The following DNAH14 variants were observed in gnomAD, a reference collection of about 807,000 sequenced individuals.
DNAH14 encodes the protein axonemal beta dynein heavy chain 14.
DNAH14 carries 478 observed loss-of-function variants against 520.9 expected under a neutral mutation model. The ratio of observed to expected loss-of-function variants is 0.92; its 90% CI spans 0.85 to 0.99. The LOEUF is 0.99. Ranked by LOEUF, DNAH14 falls within the 50% of genes least tolerant of loss-of-function variation. The pLI, the probability that DNAH14 is intolerant of heterozygous loss-of-function variation, is 0.00. For missense variants in DNAH14, 4,831 were observed against 5,234.5 expected (o/e 0.92, Z 2.38); for synonymous variants, 1,581 against 1,757.2 (o/e 0.90, Z 2.51).
chr1:225,324,751 A>G lies in DNAH14; in HGVS notation c.9642A>G (p.Lys3214=). 1 of 1,551,554 alleles carries G rather than the reference A, an allele frequency of 6.4e-7. No homozygotes were observed. ...YHEVQKVVGP[K]QIQVAEAQNV... ...TTCTCTTTAAGGTTGTGGGCCCTAA[A>G]CAAATCCAAGTAGCTGAAGCTCAAA... The change falls in exon 64 of 86, where the codon AAA becomes AAG. Residue 3214 remains lysine (K), a synonymous_variant. Transcript: ENST00000682510.
chr1:225,230,840 T>C (rs2091035957), intron 41 of DNAH14, among the ~76,000 whole-genome samples: 2 of 152,218 alleles, frequency 1.3e-5, no homozygotes, highest in African/African-American at 4.8e-5. Flanking sequence ...AATGAATGTA[T>C]GCAGCTTTAT....
intron 46 of DNAH14, among the ~76,000 whole-genome samples, chr1:225,259,530 T>G (rs1189924427): frequency 6.6e-6 from 1 of 152,206 alleles, no homozygotes; most frequent in Non-Finnish European, 1.5e-5. Flanking sequence ...ATCATGTAAT[T>G]CACATACCAT....
chr1:224,953,134 T>C (rs2060283108), intron 2 of DNAH14: 1 of 160,766 alleles, frequency 6.2e-6, no homozygotes, highest in Non-Finnish European at 1.4e-5. Context: ...AAATACTTTT[T>C]TTTTTTGAAA....
At position 225,025,777 on chromosome 1, in the gene DNAH14, A is replaced by G. The variant is rs374720573; in HGVS notation, c.1358+1912A>G. 1.8e-4 allele frequency among the ~76,000 whole-genome samples: 28 copies of G among 152,286 alleles called. No homozygotes were observed. In the South Asian group the frequency reaches 2.3e-3, roughly 12 times the overall value. ...TAAAATGAAGATAACAGTAATACCT[A>G]TGCCATAATGTTGTTTGAGAATAAA... On this transcript the variant is annotated intron_variant, in intron 11 of 85. Coordinates refer to ENST00000682510, the MANE Select transcript of DNAH14 (RefSeq NM_001367479.1).
chr1:225,206,167 C>A lies in DNAH14; in HGVS notation c.6174C>A (p.Ala2058=). 6.4e-7 allele frequency: 1 copy of A among 1,550,868 alleles called. No homozygotes were observed. The highest frequency in any genetic ancestry group is 2.0e-5 in the Admixed American group (1 of 50,992). Residue 2058 remains alanine (A), a synonymous_variant, in exon 40 of 86, where the codon GCC becomes GCA. Coordinates refer to ENST00000682510, the MANE Select transcript of DNAH14 (RefSeq NM_001367479.1). ...GTCCTGCTACTGTCAGCCGATGTGC[C>A]ATGGTCTATATGGTAAGCTTTCAAA... ...QASPATVSRC[A]MVYMDPVDLG...
intron 66 of DNAH14, among the ~76,000 whole-genome samples, chr1:225,335,961 A>ATGCATATATG (rs2095028174): frequency 6.9e-6 from 1 of 145,954 alleles, no homozygotes; most frequent in African/African-American, 2.5e-5. Flanking sequence ...ATATACACAT[A>ATGCATATATG]TACATATATG....
Position 225,276,010 on chromosome 1 carries a change from AC to A in DNAH14, c.8109del (p.Ser2704ValfsTer15). ...KTHRKKIYQN[T>X]SDYNKLASVL... ...TCATAGAAAAAAGATTTATCAGAAT[AC>A]CAGTGACTATAATAAACTTGCCAGT... On this transcript the variant is annotated frameshift_variant, in exon 53 of 86. Coordinates refer to ENST00000682510, the MANE Select transcript of DNAH14 (RefSeq NM_001367479.1). LOFTEE classifies it high-confidence loss of function. 2.4e-6 allele frequency: 1 copy of A among 412,700 alleles called. No homozygotes were observed. The highest frequency in any genetic ancestry group is 4.8e-6 in the Non-Finnish European group (1 of 206,334). The allele number at this position is 412,700 out of a possible 1,614,324, so 25.6% of individuals were successfully genotyped here. A position where few individuals can be genotyped will look rare whatever the true frequency, so the allele number is the denominator to read the frequency against.
At chr1:225,248,579 A>G (rs535070773) in intron 43 of DNAH14, among the ~76,000 whole-genome samples, 21 of 152,320 alleles carry the variant, frequency 1.4e-4, no homozygotes, top group African/African-American at 5.1e-4. Context: ...GCAAATACAA[A>G]CCAAAAGAAA....
chr1:225,169,432 A>G (rs933397050), intron 36 of DNAH14, among the ~76,000 whole-genome samples: 1 of 152,234 alleles, frequency 6.6e-6, no homozygotes, highest in South Asian at 2.1e-4. Flanking sequence ...TACAATAACC[A>G]ATGCAGAGAA....
intron 78 of DNAH14, among the ~76,000 whole-genome samples, chr1:225,375,996 G>T (rs151064258): frequency 1.3e-5 from 2 of 151,902 alleles, no homozygotes; most frequent in Non-Finnish European, 2.9e-5. Context: ...GCTGAGGCCC[G>T]AGAATCACCC....
At chr1:225,215,248 T>G (rs1167229156) in intron 41 of DNAH14, among the ~76,000 whole-genome samples, 1 of 152,238 alleles carries the variant, frequency 6.6e-6, no homozygotes, top group Non-Finnish European at 1.5e-5. Context: ...GAGTTGTAAT[T>G]TGATTTCACT....
At chr1:225,087,377 T>G (rs188048759) in intron 21 of DNAH14, among the ~76,000 whole-genome samples, 129 of 152,322 alleles carry the variant, frequency 8.5e-4, no homozygotes, top group Non-Finnish European at 1.4e-3. Flanking sequence ...AATAACCTCT[T>G]AAAGGCCCCA....
chr1:225,073,435 C>G (rs374682734), intron 17 of DNAH14, among the ~76,000 whole-genome samples: 1 of 151,306 alleles, frequency 6.6e-6, no homozygotes, highest in Non-Finnish European at 1.5e-5. Flanking sequence ...TTCCATCCAA[C>G]GACAAGGAAC....
At chr1:225,103,073 G>A (rs923473937) in intron 23 of DNAH14, among the ~76,000 whole-genome samples, 5 of 152,204 alleles carry the variant, frequency 3.3e-5, no homozygotes, top group African/African-American at 1.2e-4. Context: ...TGTATGAGGT[G>A]TAAGGAACAG....
At chr1:225,024,013 A>T (rs1053918004) in intron 11 of DNAH14, 148 bp downstream of exon 11, 2 of 1,372,486 alleles carry the variant, frequency 1.5e-6, no homozygotes, top group African/African-American at 2.9e-5. Flanking sequence ...CTATTAACAG[A>T]ACTTATTATT....
intron 41 of DNAH14, among the ~76,000 whole-genome samples, chr1:225,213,984 C>T (rs2088868618): frequency 6.6e-6 from 1 of 152,104 alleles, no homozygotes; most frequent in Non-Finnish European, 1.5e-5. Flanking sequence ...CTGTCTTGTG[C>T]CAGTTTTCAA....
rs1469157767 is a variant in DNAH14 at position 225,190,702 on chromosome 1, G to A, written c.5671-1994G>A. Among the ~76,000 whole-genome samples the A allele has an allele frequency of 4.6e-5, 7 of 151,986 alleles. No individual in the cohort carries two copies. In the South Asian group the frequency reaches 1.5e-3, roughly 31 times the overall value. On this transcript the variant is annotated intron_variant, in intron 37 of 85. Transcript: ENST00000682510. ...ACACAAAGTGACATTAGAGGTGTGT[G>A]TATGCACAGAGAAAAGACCACATGA...
At chr1:225,040,727 C>T (rs1444253464) in intron 12 of DNAH14, among the ~76,000 whole-genome samples, 1 of 152,130 alleles carries the variant, frequency 6.6e-6, no homozygotes, top group East Asian at 1.9e-4. Context: ...TCTTTATTTA[C>T]TGCTAAGGAG....
intron 36 of DNAH14, among the ~76,000 whole-genome samples, chr1:225,170,134 A>AG (rs2082456244): frequency 1.3e-5 from 2 of 152,240 alleles, no homozygotes; most frequent in South Asian, 4.1e-4. Flanking sequence ...AAACATGGAA[A>AG]GGAACAACCA....
Sources: allele counts gnomAD v4.1 joint callset (sites outside exome capture counted in the v4.1 genomes callset), GRCh38; gene constraint gnomAD v4.1.1; transcripts MANE v1.5; gene names NCBI Gene and HGNC (gene_info 2026-07-23, HGNC 2026-07-21).